The following INF2 variants were observed in gnomAD, a reference collection of about 807,000 sequenced individuals.
INF2 encodes inverted formin 2.
INF2 carries 43 observed loss-of-function variants against 123.5 expected under a neutral mutation model. The observed-to-expected ratio is 0.35, with a 90% CI of 0.27 to 0.45. The LOEUF (loss-of-function observed/expected upper bound fraction) is 0.45. Among genes scored for constraint, INF2 ranks in the 20% least tolerant of loss-of-function variants. The pLI is 1.00. For missense variants in INF2, 1,453 were observed against 1,682.7 expected, an observed-to-expected ratio of 0.86 and a Z score of 2.39; for synonymous variants, 851 against 745.0, an observed-to-expected ratio of 1.14 and a Z score of -2.32.
intron 1 of INF2, chr14:104,700,769 T>A: frequency 1.9e-5 from 17 of 879,796 alleles, no homozygotes; most frequent in Non-Finnish European, 2.3e-5. Flanking sequence ...CCTACCCACA[T>A]GCAGACGGGC....
At chr14:104,691,400 C>T (rs1408404573) in intron 1 of INF2, 1 of 152,186 alleles carries the variant, frequency 6.6e-6, no homozygotes, top group African/African-American at 2.4e-5. Flanking sequence ...TAAGCTCAAG[C>T]CCCTGGCTTT....
At position 104,699,322 on chromosome 14, in the gene INF2, G is replaced by A. The variant is rs1889358067; in HGVS notation, c.-9-2035G>A. ...ACTCCGGCCAATGGAGGCGGGGGAG[G>A]AAAGGAGGGTCAGTTCTGGGGCCTC... On this transcript the variant is annotated intron_variant, in intron 1 of 22. Transcript: ENST00000392634. This position sits in a 1 kb window ranked among gnomAD's most constrained non-coding sequence, Gnocchi z 4.7. The A allele has an allele frequency of 1.1e-6, 1 of 877,148 alleles. No homozygotes were observed. Among genetic ancestry groups the A allele is most frequent in the South Asian group, 5.2e-5 (1 of 19,120 alleles). The allele number at this position is 877,148 out of a possible 1,614,324, so 54.3% of individuals were successfully genotyped here.
chr14:104,694,219 G>T (rs1356142594), intron 1 of INF2, among the ~76,000 whole-genome samples: 3 of 152,240 alleles, frequency 2.0e-5, no homozygotes, highest in Non-Finnish European at 4.4e-5. Context: ...GAGCTACGGG[G>T]CCCTGGAGAA....
rs1888837941 is a variant in INF2 at position 104,689,620 on chromosome 14, C to T, written c.-129C>T. On this transcript the variant is annotated 5_prime_UTR_variant, in exon 1 of 23. Coordinates refer to ENST00000392634, the MANE Select transcript of INF2 (RefSeq NM_022489.4). ...CCCGCCCCGCCCGCCCCGCGCCCGC[C>T]AGGAGCCACCGTCCGAGCCTTGCGG... 1.1e-6 allele frequency: 1 copy of T among 909,004 alleles called. No individual in the cohort carries two copies. 56.3% of individuals were successfully genotyped at this position (909,004 alleles called of 1,614,324 possible).
chr14:104,717,034 G>C (rs1409432793), intron 22 of INF2, among the ~76,000 whole-genome samples: 1 of 152,174 alleles, frequency 6.6e-6, no homozygotes, highest in Non-Finnish European at 1.5e-5. Context: ...ACAGGAAACT[G>C]CATAGATCAG....
At position 104,713,062 on chromosome 14, in the gene INF2, G is replaced by A. The variant is rs1297365864; in HGVS notation, c.2775+70G>A. 4 of 1,608,150 alleles carry A rather than the reference G, an allele frequency of 2.5e-6. No individual in the cohort carries two copies. In the Admixed American group the frequency reaches 5.0e-5, roughly 20 times the overall value. Reference sequence around the variant, plus strand: ...TCCCGAGGCCCCTGGCCTTCCTCCGGCAGGATGGGCAGAGGCACCTTTCGT... The same window carrying A: ...TCCCGAGGCCCCTGGCCTTCCTCCGACAGGATGGGCAGAGGCACCTTTCGT... On this transcript the variant is annotated intron_variant, in intron 18 of 22. Transcript: ENST00000392634.
intron 12 of INF2, 101 bp from the exon 13 acceptor site, chr14:104,709,987 C>T: frequency 9.5e-7 from 1 of 1,056,420 alleles, no homozygotes; most frequent in South Asian, 1.3e-5. Flanking sequence ...GAAACCCCCT[C>T]CCTTTGCCCA....
intron 1 of INF2, chr14:104,683,925 G>C (rs1236787115): frequency 2.5e-6 from 1 of 405,362 alleles, no homozygotes; most frequent in Non-Finnish European, 5.0e-6. Context: ...GGCAGACTAT[G>C]GGTTGGGGTG....
At chr14:104,718,719 G>T in intron 22 of INF2, 76 bp from the exon 23 acceptor site, 3 of 1,580,580 alleles carry the variant, frequency 1.9e-6, no homozygotes, top group Non-Finnish European at 1.7e-6. Context: ...AGGGACCTGG[G>T]CACCCAGAAG....
chr14:104,702,135 T>TC (rs1355149204), intron 2 of INF2, among the ~76,000 whole-genome samples: 1 of 151,972 alleles, frequency 6.6e-6, no homozygotes, highest in African/African-American at 2.4e-5. Context: ...CCCGAGTGGC[T>TC]CCCTACATAC....
rs140264162 is a variant in INF2, at chr14:104,708,306, G to A, written c.1736-130G>A. On this transcript the variant is annotated intron_variant, in intron 8 of 22. Transcript: ENST00000392634. ...TAGGGAGGTAGGGTGCCTGCTGTAC[G>A]CTGGACCTGGACCTACTGGGCCCCA... is the stretch of plus-strand genomic sequence containing the variant. 9.5e-4 allele frequency: 1,169 copies of A among 1,224,918 alleles called. 2 individuals carry two copies. The highest frequency in any genetic ancestry group is 1.2e-3 in the Non-Finnish European group (1,031 of 874,480). 75.9% of individuals were successfully genotyped at this position (1,224,918 alleles called of 1,614,324 possible).
At chr14:104,700,756 C>A in intron 1 of INF2, 1 of 740,468 alleles carries the variant, frequency 1.4e-6, no homozygotes, top group South Asian at 6.0e-5. Context: ...TTGGTGTGGG[C>A]CCCCTACCCA....
Position 104,709,689 on chromosome 14 carries a change from C to A in INF2, c.2122C>A (p.Leu708Met). The A allele has an allele frequency of 3.7e-6, 6 of 1,612,670 alleles. No homozygotes were observed. The highest frequency in any genetic ancestry group is 5.1e-6 in the Non-Finnish European group (6 of 1,179,766). Residue 708 changes from leucine (L) to methionine (M), a missense_variant, in exon 12 of 23, where the codon CTG becomes ATG. Physicochemically the swap from Leu to Met is conservative, Grantham distance 15. Coordinates refer to ENST00000392634, the MANE Select transcript of INF2 (RefSeq NM_022489.4). Reference protein sequence around the residue: ...LASADHFYLLLLAIPCYQLRI... With the variant: ...LASADHFYLLMLAIPCYQLRI... ...CAGCGCCGACCACTTCTACCTCCTC[C>A]TGCTGGCCATTCCCTGGTGAGCATG... is the stretch of plus-strand genomic sequence containing the variant.
intron 2 of INF2, among the ~76,000 whole-genome samples, chr14:104,702,647 A>G (rs980087790): frequency 1.3e-5 from 2 of 152,186 alleles, no homozygotes; most frequent in African/African-American, 4.8e-5. Flanking sequence ...GGGGCCAGCC[A>G]TTCTCAGCCC....
chr14:104,716,393 G>C (rs1328927988), intron 22 of INF2, among the ~76,000 whole-genome samples: 1 of 152,222 alleles, frequency 6.6e-6, no homozygotes, highest in Non-Finnish European at 1.5e-5. Context: ...TCCGAGTGTG[G>C]CTCTCTGGTG....
chr14:104,684,896 C>T (rs1218194890), upstream of INF2: 1 of 152,224 alleles, frequency 6.6e-6, no homozygotes, highest in Non-Finnish European at 1.5e-5. This position sits in a 1 kb window ranked among gnomAD's most constrained non-coding sequence, Gnocchi z 5.0. Flanking sequence ...TTATGTGTTT[C>T]TGTTAATATA....
At chr14:104,709,028 G>T (rs560869280) in intron 10 of INF2, among the ~76,000 whole-genome samples, 48 of 152,298 alleles carry the variant, frequency 3.2e-4, no homozygotes, top group African/African-American at 1.1e-3. Context: ...TCCAGCACTG[G>T]CCCGAGGGAG....
At chr14:104,689,587 T>TGCTACCCCCCC, upstream of INF2, 2 of 851,068 alleles carry the variant, frequency 2.3e-6, no homozygotes, top group Non-Finnish European at 2.8e-6. Flanking sequence ...CACCTCCTCT[T>TGCTACCCCCCC]CCTCCCGCCC....
intron 1 of INF2, among the ~76,000 whole-genome samples, chr14:104,696,765 C>T (rs1889212231): frequency 2.6e-5 from 4 of 152,160 alleles, no homozygotes; most frequent in Admixed American, 1.3e-4. Context: ...GTGGCAGCCC[C>T]TGCCTCCTAG....
Sources: allele counts gnomAD v4.1 joint callset (sites outside exome capture counted in the v4.1 genomes callset), GRCh38; gene constraint gnomAD v4.1.1; non-coding constraint Gnocchi (gnomAD v3.1); transcripts MANE v1.5; gene names NCBI Gene and HGNC (gene_info 2026-07-23, HGNC 2026-07-21).